CCDC66: variants seen among roughly 807,000 people sequenced by gnomAD.
CCDC66 encodes the protein coiled-coil domain containing 66, also known as coiled-coil domain-containing protein 66.
Under a neutral mutation model 128.3 loss-of-function variants are expected in CCDC66, and 133 were observed. The observed-to-expected ratio is 1.04, with a 90% CI of 0.90 to 1.20. The LOEUF is 1.20. Ranked by LOEUF, CCDC66 falls within the 50% of genes most tolerant of loss-of-function variation. The pLI is 0.00. For missense variants in CCDC66, 1,126 were observed against 1,075.5 expected (o/e 1.05, Z -0.66); for synonymous variants, 387 against 357.0 (o/e 1.08, Z -0.95).
chr3:56,557,292 G>A (rs1346460950), intron 1 of CCDC66, 39 bp downstream of exon 1: 4 of 1,550,564 alleles, frequency 2.6e-6, no homozygotes, highest in Middle Eastern at 1.7e-4. Context: ...GGGTAAGCAA[G>A]GTGGTCGTCA....
At chr3:56,562,813 T>A (rs1409077847) in intron 3 of CCDC66, among the ~76,000 whole-genome samples, 5 of 149,654 alleles carry the variant, frequency 3.3e-5, no homozygotes, top group Non-Finnish European at 4.5e-5. Flanking sequence ...TAATTTTTTG[T>A]ATTTTTTTTT....
In CCDC66 at chr3:56,593,114, G is replaced by GCTTATACTTATAAC. The variant is rs749854757; in HGVS notation, c.1068+13_1068+14insCTTATACTTATAAC. On this transcript the variant is annotated intron_variant, in intron 8 of 17. Coordinates refer to ENST00000394672, the MANE Select transcript of CCDC66 (RefSeq NM_001141947.3). ...TATATATTCAAAGGTAACTTATGAGGTTTTGTGGCTATAAAAGAAAAAATA... is the reference window on the plus strand; with the variant it reads ...TATATATTCAAAGGTAACTTATGAGGCTTATACTTATAACTTTTGTGGCTATAAAAGAAAAAATA... 1 of 1,544,310 alleles carries GCTTATACTTATAAC rather than the reference G, an allele frequency of 6.5e-7. No homozygotes were observed.
At chr3:56,607,724 A>C (rs2074265560) in intron 10 of CCDC66, among the ~76,000 whole-genome samples, 1 of 152,172 alleles carries the variant, frequency 6.6e-6, no homozygotes, top group South Asian at 2.1e-4. Flanking sequence ...TCCTGTTCTC[A>C]GAGGGAATGC....
chr3:56,566,897 G>T (rs2065931698), intron 5 of CCDC66, 53 bp from the exon 6 acceptor site: 2 of 1,519,984 alleles, frequency 1.3e-6, no homozygotes, highest in Non-Finnish European at 1.8e-6. Flanking sequence ...TATGGAGTCA[G>T]TTGTGTAGAA....
At chr3:56,560,974 G>A (rs1222517487) in intron 3 of CCDC66, 1 of 454,690 alleles carries the variant, frequency 2.2e-6, no homozygotes, top group East Asian at 7.0e-5. Context: ...TTAAGGTGAA[G>A]AAGTTGCTGG....
intron 1 of CCDC66, 53 bp downstream of exon 1, chr3:56,557,306 G>T: frequency 6.5e-7 from 1 of 1,546,552 alleles, no homozygotes; most frequent in Non-Finnish European, 8.7e-7. Flanking sequence ...GTCGTCAGCG[G>T]AGAGGGAGGC....
rs144692611 is a variant in CCDC66 at position 56,621,183 on chromosome 3, C to CAA, written c.2761-340_2761-339dup. The CAA allele has an allele frequency of 1.7e-4, 26 of 151,458 alleles. No individual in the cohort carries two copies. The East Asian group carries it at 1.9e-3, about 11-fold the overall frequency. 9.4% of individuals were successfully genotyped at this position (151,458 alleles called of 1,614,324 possible). A position where few individuals can be genotyped will look rare whatever the true frequency, so the allele number is the denominator to read the frequency against. ...CCAAAAAAAAACAAAACAACAACAA[C>CAA]AAAAAAAAAACACTGTATGTTAAGG... is the stretch of plus-strand genomic sequence containing the variant. On this transcript the variant is annotated intron_variant, in intron 17 of 17. Transcript: ENST00000394672.
chr3:56,561,021 G>A (rs146669146), intron 3 of CCDC66: 110 of 446,872 alleles, frequency 2.5e-4, no homozygotes, highest in African/African-American at 2.0e-3. Context: ...AGGTGAAGAT[G>A]ATCAGAACAA....
At chr3:56,615,375 G>A in intron 12 of CCDC66, 103 bp downstream of exon 12, 3 of 1,164,342 alleles carry the variant, frequency 2.6e-6, no homozygotes, top group Non-Finnish European at 2.4e-6. Context: ...CTGTTGCACA[G>A]GCTAGAGTGC....
At chr3:56,609,881 G>T (rs1490335322) in intron 10 of CCDC66, among the ~76,000 whole-genome samples, 4 of 152,158 alleles carry the variant, frequency 2.6e-5, no homozygotes, top group Non-Finnish European at 4.4e-5. Flanking sequence ...TTTTTTGTTT[G>T]AGGAGGCTGA....
chr3:56,610,399 G>A (rs2074629982), intron 10 of CCDC66, among the ~76,000 whole-genome samples: 2 of 152,116 alleles, frequency 1.3e-5, no homozygotes, highest in South Asian at 4.1e-4. Context: ...TTCTAAAAGT[G>A]TGTCCAAAGT....
rs1559587150 is a variant in CCDC66, at chr3:56,559,559, T to A, written c.77-10T>A. The A allele has an allele frequency of 6.6e-7, 1 of 1,523,904 alleles. No individual in the cohort carries two copies. The highest frequency in any genetic ancestry group is 8.9e-7 in the Non-Finnish European group (1 of 1,129,780). 94.4% of individuals were successfully genotyped at this position (1,523,904 alleles called of 1,614,324 possible). A position where few individuals can be genotyped will look rare whatever the true frequency, so the allele number is the denominator to read the frequency against. ...GTGGATAGTTTAGTAATTTCTTTTT[T>A]CTTTTGTAGAACATAAATCAAAAAT... is the stretch of plus-strand genomic sequence containing the variant. On this transcript the variant is annotated splice_polypyrimidine_tract_variant and intron_variant, in intron 2 of 17. Coordinates refer to ENST00000394672, the MANE Select transcript of CCDC66 (RefSeq NM_001141947.3).
At chr3:56,595,154 TATG>T (rs1289768776) in intron 10 of CCDC66, among the ~76,000 whole-genome samples, 3 of 152,244 alleles carry the variant, frequency 2.0e-5, no homozygotes, top group African/African-American at 7.2e-5. Context: ...ATAGGATACA[TATG>T]ATATTTTGTT....
chr3:56,583,647 A>G (rs1347659072), intron 7 of CCDC66, among the ~76,000 whole-genome samples: 2 of 151,936 alleles, frequency 1.3e-5, no homozygotes, highest in Non-Finnish European at 2.9e-5. Flanking sequence ...ATCCCAAGGC[A>G]GAAGAATCTT....
chr3:56,588,265 G>C (rs2070180937), intron 7 of CCDC66, among the ~76,000 whole-genome samples: 1 of 152,156 alleles, frequency 6.6e-6, no homozygotes, highest in Non-Finnish European at 1.5e-5. Context: ...GGATGCAAAG[G>C]CATAAGAATG....
intron 10 of CCDC66, among the ~76,000 whole-genome samples, chr3:56,610,881 T>C (rs2074703100): frequency 6.6e-6 from 1 of 152,240 alleles, no homozygotes; most frequent in South Asian, 2.1e-4. Context: ...GGCTCCGGGC[T>C]GGTGCTGGGA....
Position 56,570,911 on chromosome 3 carries a change from CA to C in CCDC66, c.815-267del, listed in dbSNP as rs1303031491. Among the ~76,000 whole-genome samples, 4 of 10,270 alleles carry C rather than the reference CA, an allele frequency of 3.9e-4. 2 individuals are homozygous for C. The highest frequency in any genetic ancestry group is 7.2e-4 in the African/African-American group (4 of 5,568). The allele number at this position is 10,270 out of a possible 152,430, so 6.7% of individuals were successfully genotyped here. ...GAAACTAGAACCTCGTGATAATTGACAAAGTATAAAATAAGTTATTCCAATA... is the reference window on the plus strand; with the variant it reads ...GAAACTAGAACCTCGTGATAATTGACAAGTATAAAATAAGTTATTCCAATA... On this transcript the variant is annotated intron_variant, in intron 6 of 17. Coordinates refer to ENST00000394672, the MANE Select transcript of CCDC66 (RefSeq NM_001141947.3).
At chr3:56,587,351 T>TATAAAGAGGTTTAATAGGC (rs1491342466) in intron 7 of CCDC66, among the ~76,000 whole-genome samples, 1 of 151,888 alleles carries the variant, frequency 6.6e-6, no homozygotes, top group African/African-American at 2.4e-5. Flanking sequence ...GACTGGGTAA[T>TATAAAGAGGTTTAATAGGC]TTATAAAGAG....
rs2071949255 is a variant in CCDC66, at chr3:56,596,509, C to A, written c.1404+2481C>A. On this transcript the variant is annotated intron_variant, in intron 10 of 17. Coordinates refer to ENST00000394672, the MANE Select transcript of CCDC66 (RefSeq NM_001141947.3). ...ATATTCAAACTACTGAATATGCAAGCTATTGAATATTCAAACTACTGAATA... is the reference window on the plus strand; with the variant it reads ...ATATTCAAACTACTGAATATGCAAGATATTGAATATTCAAACTACTGAATA... Among the ~76,000 whole-genome samples the A allele has an allele frequency of 2.0e-5, 3 of 150,902 alleles. No homozygotes were observed. In the South Asian group the frequency reaches 6.2e-4, roughly 31 times the overall value.
Sources: allele counts gnomAD v4.1 joint callset (sites outside exome capture counted in the v4.1 genomes callset), GRCh38; gene constraint gnomAD v4.1.1; transcripts MANE v1.5; gene names NCBI Gene and HGNC (gene_info 2026-07-23, HGNC 2026-07-21).